The following TTC28 variants were observed in gnomAD, a reference collection of about 807,000 sequenced individuals.
The protein encoded by TTC28 is tetratricopeptide repeat domain 28.
TTC28 carries 61 observed loss-of-function variants against 198.0 expected under a neutral mutation model. The observed-to-expected ratio is 0.31, with a 90% CI of 0.25 to 0.38. The LOEUF (loss-of-function observed/expected upper bound fraction) is 0.38. Among genes scored for constraint, TTC28 ranks in the 10% least tolerant of loss-of-function variants. The pLI, the probability that TTC28 is intolerant of heterozygous loss-of-function variation, is 1.00. For missense variants in TTC28, 2,678 were observed against 3,164.0 expected, an observed-to-expected ratio of 0.85 and a Z score of 3.69; for synonymous variants, 1,171 against 1,297.8, an observed-to-expected ratio of 0.90 and a Z score of 2.10.
At chr22:28,393,537 A>G (rs1041937754) in intron 2 of TTC28, among the ~76,000 whole-genome samples, 1 of 152,020 alleles carries the variant, frequency 6.6e-6, no homozygotes, top group African/African-American at 2.4e-5. Flanking sequence ...ACACAAAAAA[A>G]TAAAGAACTA....
At chr22:28,574,831 G>C (rs2050121125) in intron 2 of TTC28, among the ~76,000 whole-genome samples, 1 of 152,172 alleles carries the variant, frequency 6.6e-6, no homozygotes, top group Admixed American at 6.5e-5. Flanking sequence ...CTTCTTTTCA[G>C]AAATATCTAT....
intron 2 of TTC28, among the ~76,000 whole-genome samples, chr22:28,609,224 T>C (rs2050780194): frequency 6.6e-6 from 1 of 152,216 alleles, no homozygotes; most frequent in African/African-American, 2.4e-5. Flanking sequence ...GAAAGTATGT[T>C]TTTTGAAAAA....
At chr22:28,593,285 C>G (rs931890452) in intron 2 of TTC28, among the ~76,000 whole-genome samples, 2 of 152,166 alleles carry the variant, frequency 1.3e-5, no homozygotes, top group African/African-American at 4.8e-5. Context: ...TGTAGCTTCT[C>G]TAATTGTCCA....
intron 14 of TTC28, among the ~76,000 whole-genome samples, chr22:28,004,467 G>A (rs1224081208): frequency 1.3e-5 from 2 of 152,194 alleles, no homozygotes; most frequent in Non-Finnish European, 2.9e-5. Context: ...TCCAGGCTGG[G>A]AGATAGGGAG....
chr22:28,639,306 C>A (rs879501687), intron 1 of TTC28, among the ~76,000 whole-genome samples: 24 of 152,104 alleles, frequency 1.6e-4, no homozygotes, highest in Non-Finnish European at 2.9e-4. Context: ...AATCAAAAGG[C>A]AGAAGAAATT....
At chr22:28,050,482 G>A (rs1940044962) in intron 12 of TTC28, among the ~76,000 whole-genome samples, 1 of 152,164 alleles carries the variant, frequency 6.6e-6, no homozygotes. Flanking sequence ...TTCACTAAGA[G>A]CCAAGAAGGT....
chr22:28,078,401 T>G (rs76772444), intron 12 of TTC28, among the ~76,000 whole-genome samples: 4,876 of 152,238 alleles, frequency 0.032, 112 homozygotes, highest in Admixed American at 0.048. Context: ...TACTGATGTC[T>G]AACCATGTGT....
chr22:28,288,129 C>T (rs1021830329), intron 5 of TTC28, among the ~76,000 whole-genome samples: 10 of 152,070 alleles, frequency 6.6e-5, no homozygotes, highest in African/African-American at 2.4e-4. Context: ...ATGTCTAAGG[C>T]ACTATCCCCA....
At chr22:28,414,784 T>C (rs536699506) in intron 2 of TTC28, among the ~76,000 whole-genome samples, 3 of 152,288 alleles carry the variant, frequency 2.0e-5, no homozygotes, top group African/African-American at 7.2e-5. Flanking sequence ...ATTCTGCTAA[T>C]TGTCTAATAA....
At chr22:28,062,507 T>C (rs1224881352) in intron 12 of TTC28, among the ~76,000 whole-genome samples, 8 of 151,356 alleles carry the variant, frequency 5.3e-5, no homozygotes, top group Non-Finnish European at 1.2e-4. Context: ...TCTCTCTCTG[T>C]CACCTAGGCC....
chr22:28,648,938 G>A (rs2146257925), intron 1 of TTC28, among the ~76,000 whole-genome samples: 1 of 151,760 alleles, frequency 6.6e-6, no homozygotes, highest in African/African-American at 2.4e-5. Flanking sequence ...AAAGGAGAGA[G>A]AGAGAGAGAG....
At chr22:28,663,376 T>A (rs907105960) in intron 1 of TTC28, among the ~76,000 whole-genome samples, 6 of 150,252 alleles carry the variant, frequency 4.0e-5, no homozygotes, top group African/African-American at 1.5e-4. Flanking sequence ...TGCATTTCCA[T>A]CTGAGGTACC....
chr22:28,350,367 AG>A (rs1272040887), intron 2 of TTC28, among the ~76,000 whole-genome samples: 2 of 152,220 alleles, frequency 1.3e-5, no homozygotes, highest in Non-Finnish European at 2.9e-5. Context: ...GCTTTTTTCA[AG>A]GACTAATGAT....
intron 2 of TTC28, among the ~76,000 whole-genome samples, chr22:28,607,838 T>C (rs921516499): frequency 6.6e-6 from 1 of 152,222 alleles, no homozygotes; most frequent in Non-Finnish European, 1.5e-5. Context: ...GTTCTCTCTA[T>C]TTCTACCACC....
At chr22:28,002,613 T>C (rs1057503674) in intron 14 of TTC28, 1 of 152,184 alleles carries the variant, frequency 6.6e-6, no homozygotes, top group Admixed American at 6.5e-5. Context: ...GGTTTTTTTT[T>C]TTCTTTCCTT....
intron 5 of TTC28, among the ~76,000 whole-genome samples, chr22:28,237,243 A>G (rs550325492): frequency 1.3e-5 from 2 of 152,032 alleles, no homozygotes; most frequent in South Asian, 4.1e-4. Flanking sequence ...CTGAGATTCT[A>G]TGATAGAATT....
intron 17 of TTC28, among the ~76,000 whole-genome samples, chr22:27,995,295 T>A (rs1163192382): frequency 1.3e-5 from 2 of 152,084 alleles, no homozygotes; most frequent in Non-Finnish European, 2.9e-5. Context: ...CGTGGCAGAT[T>A]TGGAAGGAGC....
intron 12 of TTC28, among the ~76,000 whole-genome samples, chr22:28,040,130 A>G (rs771968374): frequency 6.6e-6 from 1 of 152,210 alleles, no homozygotes; most frequent in Admixed American, 6.5e-5. Flanking sequence ...AGGACCAGAC[A>G]GATTCACAGC....
chr22:28,351,167 G>T (rs2045990277), intron 2 of TTC28, among the ~76,000 whole-genome samples: 1 of 151,778 alleles, frequency 6.6e-6, no homozygotes, highest in South Asian at 2.1e-4. Flanking sequence ...GGGTGACAGA[G>T]CAAGACTCTG....
Sources: gnomAD v4.1 joint callset for allele counts (sites outside exome capture counted in the v4.1 genomes callset) on GRCh38, gnomAD v4.1.1 for gene constraint, MANE v1.5 for transcripts, NCBI Gene and HGNC (gene_info 2026-07-23, HGNC 2026-07-21) for gene names.